RNF17: variants seen among roughly 807,000 people sequenced by gnomAD.
The protein encoded by RNF17 is spermatogenesis associated 23.
Under a neutral mutation model 200.5 loss-of-function variants are expected in RNF17, and 31 were observed. The observed-to-expected ratio is 0.15, with a 90% CI of 0.12 to 0.21. The LOEUF (loss-of-function observed/expected upper bound fraction) is 0.21, where lower values mean the gene tolerates loss of function less well. Ranked by LOEUF, RNF17 falls within the 10% of genes least tolerant of loss-of-function variation. The probability of loss-of-function intolerance (pLI) is 1.00; values close to 1 mark genes in which losing one functional copy is unlikely to be tolerated. For missense variants in RNF17, 1,628 were observed against 1,905.1 expected (o/e 0.85, Z 2.71); for synonymous variants, 606 against 637.8 (o/e 0.95, Z 0.75).
intron 13 of RNF17, among the ~76,000 whole-genome samples, chr13:24,802,026 G>A (rs997252239): frequency 4.6e-5 from 7 of 151,382 alleles, no homozygotes; most frequent in African/African-American, 1.2e-4. Flanking sequence ...TTGTTCTGTC[G>A]CCCAGGCTGG....
chr13:24,762,783 C>T (rs560506511), upstream of RNF17, among the ~76,000 whole-genome samples: 37 of 152,268 alleles, frequency 2.4e-4, no homozygotes, highest in Middle Eastern at 0.01. Context: ...ATACACCTGC[C>T]ACCTTTCTAC....
At chr13:24,790,530 CAGT>C (rs954358857) in intron 9 of RNF17, among the ~76,000 whole-genome samples, 30 of 152,290 alleles carry the variant, frequency 2.0e-4, no homozygotes, top group African/African-American at 7.0e-4. Flanking sequence ...TTCAAGTTCT[CAGT>C]AGCCACATGT....
chr13:24,840,569 G>C (rs1281407818), intron 18 of RNF17, among the ~76,000 whole-genome samples: 1 of 152,082 alleles, frequency 6.6e-6, no homozygotes. Flanking sequence ...CTACTACACA[G>C]CCATAAAAGG....
chr13:24,823,234 T>C (rs1298371694), intron 15 of RNF17, among the ~76,000 whole-genome samples: 1 of 152,002 alleles, frequency 6.6e-6, no homozygotes, highest in Non-Finnish European at 1.5e-5. Flanking sequence ...CCACCACACC[T>C]GAGTAATTTT....
At chr13:24,872,694 G>A (rs572684039) in intron 32 of RNF17, among the ~76,000 whole-genome samples, 17 of 152,316 alleles carry the variant, frequency 1.1e-4, no homozygotes, top group Admixed American at 5.9e-4. Context: ...GTGTAATGCC[G>A]TAGGATCACA....
intron 33 of RNF17, among the ~76,000 whole-genome samples, chr13:24,876,100 A>T (rs1471989845): frequency 6.6e-6 from 1 of 152,180 alleles, no homozygotes; most frequent in Admixed American, 6.5e-5. Context: ...TTGTCCAGTT[A>T]ATAATGTAAG....
chr13:24,887,155 A>G, the RNF17 span, among the ~76,000 whole-genome samples: 1 of 152,238 alleles, frequency 6.6e-6, no homozygotes, highest in Non-Finnish European at 1.5e-5. Context: ...CCAAAGGGAA[A>G]AACTGAAATT....
intron 15 of RNF17, among the ~76,000 whole-genome samples, chr13:24,813,580 G>A (rs1377478707): frequency 6.6e-6 from 1 of 152,090 alleles, no homozygotes; most frequent in African/African-American, 2.4e-5. Flanking sequence ...TTGAACAAGT[G>A]GTAGTGGTGG....
At position 24,791,636 on chromosome 13, in the gene RNF17, T is replaced by G. The variant is rs112882852; in HGVS notation, c.936-1406T>G. 8.9e-4 allele frequency among the ~76,000 whole-genome samples: 136 copies of G among 152,240 alleles called. 2 individuals are homozygous for G. Among genetic ancestry groups the G allele is most frequent in the African/African-American group, 3.2e-3 (131 of 41,554 alleles). The stretch of plus-strand genomic sequence containing the variant: ...AAGTTCTTTCATTGTAGGTGGATTG[T>G]CTCCAATGGAAATGGTCCCCTGAGA... On this transcript the variant is annotated intron_variant, in intron 9 of 35. Coordinates refer to ENST00000255324, the MANE Select transcript of RNF17 (RefSeq NM_031277.3).
At chr13:24,873,188 G>C (rs1768703579) in intron 32 of RNF17, among the ~76,000 whole-genome samples, 1 of 152,172 alleles carries the variant, frequency 6.6e-6, no homozygotes, top group African/African-American at 2.4e-5. Context: ...AAGAGACTAG[G>C]GGAGTATCAG....
intron 7 of RNF17, 140 bp from the exon 8 acceptor site, chr13:24,789,208 C>A: frequency 5.1e-6 from 3 of 583,832 alleles, no homozygotes; most frequent in Non-Finnish European, 6.3e-6. Flanking sequence ...TTATTTGTAT[C>A]CCTTTGAGTG....
chr13:24,760,928 G>C (rs1878684819), upstream of RNF17, among the ~76,000 whole-genome samples: 1 of 151,972 alleles, frequency 6.6e-6, no homozygotes, highest in African/African-American at 2.4e-5. Flanking sequence ...AGAAATTACA[G>C]ACGGTATTAG....
At chr13:24,857,488 T>C (rs1892641854) in intron 25 of RNF17, among the ~76,000 whole-genome samples, 1 of 152,184 alleles carries the variant, frequency 6.6e-6, no homozygotes, top group South Asian at 2.1e-4. Context: ...ATTAACCTGC[T>C]TTCCACCACT....
chr13:24,764,469 C>T, intron 1 of RNF17, 136 bp downstream of exon 1: 1 of 1,271,006 alleles, frequency 7.9e-7, no homozygotes, highest in Non-Finnish European at 1.0e-6. Flanking sequence ...CACAGGCCTC[C>T]CGCGAGCTGC....
At chr13:24,815,134 G>A (rs1370549023) in intron 15 of RNF17, among the ~76,000 whole-genome samples, 1 of 152,140 alleles carries the variant, frequency 6.6e-6, no homozygotes, top group East Asian at 1.9e-4. Flanking sequence ...ACTTTGGATA[G>A]CATTGACATC....
intron 2 of RNF17, among the ~76,000 whole-genome samples, chr13:24,771,656 A>G (rs1186906010): frequency 7.0e-6 from 1 of 142,274 alleles, no homozygotes; most frequent in African/African-American, 2.6e-5. Context: ...TTTTTTTCTG[A>G]CTAGGCAGAC....
chr13:24,800,823 G>A (rs1195770164), intron 13 of RNF17, among the ~76,000 whole-genome samples: 2 of 152,150 alleles, frequency 1.3e-5, no homozygotes, highest in Non-Finnish European at 2.9e-5. Context: ...ATAAGTTTAT[G>A]ATGTGTGTGT....
At chr13:24,799,104 G>A (rs1432218204) in intron 11 of RNF17, among the ~76,000 whole-genome samples, 1 of 152,030 alleles carries the variant, frequency 6.6e-6, no homozygotes, top group Non-Finnish European at 1.5e-5. Flanking sequence ...CTTCTTGATG[G>A]CAAGACAGTC....
intron 24 of RNF17, among the ~76,000 whole-genome samples, chr13:24,853,575 A>G (rs1031126282): frequency 6.6e-6 from 1 of 152,186 alleles, no homozygotes; most frequent in Non-Finnish European, 1.5e-5. Context: ...GTAACATTGA[A>G]TTCATTGTAC....
Sources: allele counts gnomAD v4.1 joint callset (sites outside exome capture counted in the v4.1 genomes callset), GRCh38; gene constraint gnomAD v4.1.1; transcripts MANE v1.5; gene names NCBI Gene and HGNC (gene_info 2026-07-23, HGNC 2026-07-21).